Variants in INPP4B observed in about 807,000 individuals in gnomAD.
The protein encoded by INPP4B is inositol polyphosphate 4-phosphatase type II.
In INPP4B, 55 loss-of-function variants were observed where a neutral mutation model predicts 122.5. That is an observed-to-expected ratio of 0.45 (90% confidence interval 0.36 to 0.56). The LOEUF (loss-of-function observed/expected upper bound fraction) is 0.56, where lower values mean the gene tolerates loss of function less well. Among genes scored for constraint, INPP4B ranks in the 20% least tolerant of loss-of-function variants. INPP4B has a pLI of 0.00. For synonymous variants in INPP4B, 403 were observed against 388.7 expected, an observed-to-expected ratio of 1.04 and a Z score of -0.43; for missense variants, 1,000 against 1,097.7, an observed-to-expected ratio of 0.91 and a Z score of 1.26.
chr4:142,824,061 C>T (rs565291515), intron 1 of INPP4B, among the ~76,000 whole-genome samples: 1 of 152,182 alleles, frequency 6.6e-6, no homozygotes, highest in East Asian at 1.9e-4. Context: ...CATTCATCTC[C>T]TCCTGCCCTT....
intron 7 of INPP4B, among the ~76,000 whole-genome samples, chr4:142,341,740 C>A (rs919744988): frequency 1.3e-5 from 2 of 152,134 alleles, no homozygotes; most frequent in African/African-American, 4.8e-5. Flanking sequence ...CAAACTGGTA[C>A]TTATGGACTT....
intron 2 of INPP4B, among the ~76,000 whole-genome samples, chr4:142,500,399 A>G (rs12646243): frequency 0.17 from 26,144 of 152,106 alleles, 2,501 homozygotes; most frequent in East Asian, 0.39. Context: ...TAGTAATTGT[A>G]GATTCTAGCC....
chr4:142,093,438 G>C (rs926001788), intron 23 of INPP4B, among the ~76,000 whole-genome samples: 1 of 152,128 alleles, frequency 6.6e-6, no homozygotes, highest in Non-Finnish European at 1.5e-5. Flanking sequence ...CTGGCAATAA[G>C]CAACCAGAAC....
At chr4:142,080,745 A>T (rs953992466) in intron 25 of INPP4B, among the ~76,000 whole-genome samples, 8 of 152,132 alleles carry the variant, frequency 5.3e-5, no homozygotes, top group Non-Finnish European at 1.0e-4. Context: ...TTGTTACCTA[A>T]ATCAGTTTAG....
chr4:142,040,686 T>C (rs1453138264), intron 25 of INPP4B, among the ~76,000 whole-genome samples: 3 of 152,194 alleles, frequency 2.0e-5, no homozygotes, highest in Non-Finnish European at 4.4e-5. Flanking sequence ...CATGTAATTA[T>C]GCTTTTCTCT....
chr4:142,645,696 G>A (rs891735050), intron 2 of INPP4B, among the ~76,000 whole-genome samples: 4 of 152,154 alleles, frequency 2.6e-5, no homozygotes, highest in Admixed American at 2.6e-4. Context: ...CCTGCCATTG[G>A]AACGGTTATA....
At chr4:142,483,404 T>C (rs1044628436) in intron 2 of INPP4B, among the ~76,000 whole-genome samples, 3 of 151,982 alleles carry the variant, frequency 2.0e-5, no homozygotes, top group Non-Finnish European at 4.4e-5. Flanking sequence ...CACTTTGCCA[T>C]GATAGCTCCC....
At chr4:142,440,513 G>GT (rs1242723748) in intron 3 of INPP4B, among the ~76,000 whole-genome samples, 1 of 152,118 alleles carries the variant, frequency 6.6e-6, no homozygotes, top group Non-Finnish European at 1.5e-5. Context: ...TTTTCCTAAT[G>GT]TTTTTTATCC....
chr4:142,726,231 G>A (rs1765331608), intron 1 of INPP4B, among the ~76,000 whole-genome samples: 1 of 152,206 alleles, frequency 6.6e-6, no homozygotes, highest in Non-Finnish European at 1.5e-5. Context: ...CAAAAGACAA[G>A]ATGTAAGCAA....
At chr4:142,643,698 C>T (rs556518605) in intron 2 of INPP4B, among the ~76,000 whole-genome samples, 307 of 152,278 alleles carry the variant, frequency 2.0e-3, no homozygotes, top group African/African-American at 6.9e-3. Context: ...TTGCCTGTAC[C>T]TTCTTCAAAG....
intron 2 of INPP4B, among the ~76,000 whole-genome samples, chr4:142,597,819 AG>A: frequency 6.6e-6 from 1 of 152,316 alleles, no homozygotes; most frequent in East Asian, 1.9e-4. Context: ...CCAAGCTGGG[AG>A]CTAATTCCCT....
chr4:142,286,449 A>G (rs932438712), intron 9 of INPP4B, among the ~76,000 whole-genome samples: 18 of 152,226 alleles, frequency 1.2e-4, no homozygotes, highest in Admixed American at 1.0e-3. Context: ...AAAATTTCCA[A>G]TTCCAGAGAG....
chr4:142,067,119 C>T (rs545450009), intron 25 of INPP4B, among the ~76,000 whole-genome samples: 7 of 152,100 alleles, frequency 4.6e-5, no homozygotes, highest in South Asian at 2.1e-4. Flanking sequence ...CCCTCTGAGA[C>T]GAAGCTTCTA....
intron 7 of INPP4B, among the ~76,000 whole-genome samples, chr4:142,329,300 G>C (rs1287798131): frequency 1.3e-5 from 2 of 152,212 alleles, no homozygotes; most frequent in African/African-American, 2.4e-5. Flanking sequence ...GAGAAACTCA[G>C]GGAGAATAGT....
chr4:142,662,271 T>A (rs1755335101), intron 2 of INPP4B, among the ~76,000 whole-genome samples: 1 of 151,444 alleles, frequency 6.6e-6, no homozygotes, highest in Non-Finnish European at 1.5e-5. Flanking sequence ...GTGGGAGAGG[T>A]TGAACAAAGT....
At chr4:142,411,660 G>T (rs965240469) in intron 5 of INPP4B, among the ~76,000 whole-genome samples, 1 of 152,202 alleles carries the variant, frequency 6.6e-6, no homozygotes, top group Non-Finnish European at 1.5e-5. Flanking sequence ...GGGAGGCCCA[G>T]GCAGGCGGAT....
intron 7 of INPP4B, among the ~76,000 whole-genome samples, chr4:142,354,509 C>T (rs1160426293): frequency 1.3e-5 from 2 of 151,854 alleles, no homozygotes; most frequent in East Asian, 3.9e-4. Flanking sequence ...ATAAACCGGC[C>T]AGAACAATTC....
At chr4:142,127,929 G>A (rs1369035662) in intron 18 of INPP4B, among the ~76,000 whole-genome samples, 7 of 152,064 alleles carry the variant, frequency 4.6e-5, no homozygotes, top group Non-Finnish European at 8.8e-5. Context: ...GGCTACGACA[G>A]GCCAAAGCAA....
chr4:142,250,339 T>C (rs1335792156), intron 11 of INPP4B, among the ~76,000 whole-genome samples: 1 of 152,206 alleles, frequency 6.6e-6, no homozygotes, highest in African/African-American at 2.4e-5. Context: ...GTAAATAGAA[T>C]AGTGACGAAC....
Sources: gnomAD v4.1 joint callset for allele counts (sites outside exome capture counted in the v4.1 genomes callset) on GRCh38, gnomAD v4.1.1 for gene constraint, MANE v1.5 for transcripts, NCBI Gene and HGNC (gene_info 2026-07-23, HGNC 2026-07-21) for gene names.